The following CADM2 variants were observed in gnomAD, a reference collection of about 807,000 sequenced individuals.
CADM2 encodes the protein immunoglobulin superfamily member 4D.
A neutral mutation model predicts 49.8 loss-of-function variants in CADM2; 12 were observed. That is an observed-to-expected ratio of 0.24 (90% CI 0.15 to 0.39). The LOEUF is 0.39. CADM2 is among the 10% of genes least tolerant of loss of function. The probability of loss-of-function intolerance (pLI) is 1.00; values close to 1 mark genes in which losing one functional copy is unlikely to be tolerated. For missense variants in CADM2, 378 were observed against 492.3 expected (o/e 0.77, Z 2.20); for synonymous variants, 214 against 175.4 (o/e 1.22, Z -1.74).
chr3:85,538,695 G>GT (rs1188349681), intron 1 of CADM2, among the ~76,000 whole-genome samples: 1 of 148,226 alleles, frequency 6.7e-6, no homozygotes, highest in East Asian at 2.1e-4. Context: ...TTTCTAGTCT[G>GT]TTTATAATAA....
At chr3:85,485,385 A>G (rs2039375712) in intron 1 of CADM2, among the ~76,000 whole-genome samples, 1 of 151,994 alleles carries the variant, frequency 6.6e-6, no homozygotes, top group Admixed American at 6.6e-5. Flanking sequence ...AGCCCAAAGC[A>G]TTGTTAACTT....
At chr3:85,480,178 A>G (rs959410283) in intron 1 of CADM2, among the ~76,000 whole-genome samples, 4 of 151,884 alleles carry the variant, frequency 2.6e-5, no homozygotes, top group Non-Finnish European at 5.9e-5. Flanking sequence ...TATCACTGTG[A>G]TCTGACAATT....
intron 1 of CADM2, among the ~76,000 whole-genome samples, chr3:85,407,182 A>G (rs760960086): frequency 3.3e-5 from 5 of 152,154 alleles, no homozygotes; most frequent in Non-Finnish European, 5.9e-5. Context: ...AGCCTTGGTG[A>G]CAGAGAAAGA....
intron 1 of CADM2, among the ~76,000 whole-genome samples, chr3:85,626,837 G>A (rs181419696): frequency 8.5e-5 from 13 of 152,058 alleles, no homozygotes; most frequent in Non-Finnish European, 1.5e-4. Flanking sequence ...TGTCCTGCTG[G>A]CATAGTAAAT....
At chr3:85,916,481 T>C (rs1194133840) in intron 6 of CADM2, among the ~76,000 whole-genome samples, 1 of 151,948 alleles carries the variant, frequency 6.6e-6, no homozygotes, top group East Asian at 1.9e-4. Flanking sequence ...TTCATCCATG[T>C]CCCTACAAAG....
chr3:85,851,851 A>G (rs904895279), intron 3 of CADM2, among the ~76,000 whole-genome samples: 1 of 152,014 alleles, frequency 6.6e-6, no homozygotes, highest in African/African-American at 2.4e-5. Flanking sequence ...ATCTTGAACA[A>G]CTTAGGTGAT....
chr3:85,096,997 AT>A (rs1006615791), intron 1 of CADM2, among the ~76,000 whole-genome samples: 10 of 151,754 alleles, frequency 6.6e-5, no homozygotes, highest in African/African-American at 1.2e-4. Context: ...TTCCAGTTGG[AT>A]TTTTTTTATT....
chr3:85,777,871 A>C (rs1244485705), intron 2 of CADM2, among the ~76,000 whole-genome samples: 1 of 152,218 alleles, frequency 6.6e-6, no homozygotes, highest in African/African-American at 2.4e-5. Context: ...AATTTTCGTG[A>C]AGCAAACTCT....
chr3:85,949,925 T>C (rs1451707752), intron 7 of CADM2, among the ~76,000 whole-genome samples: 1 of 151,092 alleles, frequency 6.6e-6, no homozygotes, highest in Non-Finnish European at 1.5e-5. Context: ...TTTATAGGCT[T>C]CTGATTGATT....
intron 1 of CADM2, among the ~76,000 whole-genome samples, chr3:85,504,667 G>A (rs531099393): frequency 2.0e-5 from 3 of 152,200 alleles, no homozygotes; most frequent in Non-Finnish European, 4.4e-5. Flanking sequence ...GTCCCGCGCC[G>A]TGCGCCCGCA....
intron 3 of CADM2, among the ~76,000 whole-genome samples, chr3:85,844,468 A>G (rs59309345): frequency 0.038 from 5,841 of 152,202 alleles, 348 homozygotes; most frequent in African/African-American, 0.13. Context: ...GGCACAATAT[A>G]TACCCCTAAA....
intron 8 of CADM2, among the ~76,000 whole-genome samples, chr3:86,004,281 A>T (rs1482709699): frequency 2.0e-5 from 3 of 152,236 alleles, no homozygotes; most frequent in African/African-American, 7.2e-5. Flanking sequence ...TAGTCACCGC[A>T]AACACTAAAA....
chr3:85,732,939 A>T (rs940574726), intron 2 of CADM2, among the ~76,000 whole-genome samples: 5 of 152,208 alleles, frequency 3.3e-5, no homozygotes, highest in Non-Finnish European at 5.9e-5. Context: ...AACTTACCTG[A>T]ATCTCATTCA....
chr3:85,006,676 G>T (rs2033745708), intron 1 of CADM2, among the ~76,000 whole-genome samples: 1 of 152,008 alleles, frequency 6.6e-6, no homozygotes, highest in African/African-American at 2.4e-5. Flanking sequence ...TTTACTGAAT[G>T]CCAAGCTAAT....
At chr3:85,095,506 T>C (rs1426800826) in intron 1 of CADM2, among the ~76,000 whole-genome samples, 1 of 152,182 alleles carries the variant, frequency 6.6e-6, no homozygotes, top group Non-Finnish European at 1.5e-5. Context: ...CTTAATACTA[T>C]ATTACCGATC....
intron 1 of CADM2, among the ~76,000 whole-genome samples, chr3:85,356,287 T>G (rs2031850967): frequency 6.6e-6 from 1 of 152,044 alleles, no homozygotes; most frequent in Non-Finnish European, 1.5e-5. Context: ...GAGGAATGAT[T>G]GGGAGTTAAT....
At chr3:85,059,575 A>G (rs2036224518) in intron 1 of CADM2, among the ~76,000 whole-genome samples, 1 of 152,144 alleles carries the variant, frequency 6.6e-6, no homozygotes, top group African/African-American at 2.4e-5. Context: ...TTTAACTCCC[A>G]CAATTCCCAT....
intron 1 of CADM2, among the ~76,000 whole-genome samples, chr3:84,995,912 A>G (rs1368650880): frequency 1.3e-5 from 2 of 152,168 alleles, no homozygotes; most frequent in Non-Finnish European, 2.9e-5. Context: ...TTGTCCTTGT[A>G]CTAAGTGATG....
chr3:85,871,523 T>C (rs1232657435), intron 3 of CADM2, among the ~76,000 whole-genome samples: 1 of 152,232 alleles, frequency 6.6e-6, no homozygotes, highest in Non-Finnish European at 1.5e-5. Flanking sequence ...ATTATCTATG[T>C]AACTTTGGGT....
Sources: allele counts gnomAD v4.1 joint callset (sites outside exome capture counted in the v4.1 genomes callset), GRCh38; gene constraint gnomAD v4.1.1; transcripts MANE v1.5; gene names NCBI Gene and HGNC (gene_info 2026-07-23, HGNC 2026-07-21).